SGK3: variants seen among roughly 807,000 people sequenced by gnomAD.
The protein encoded by SGK3 is serine/threonine-protein kinase Sgk3.
A neutral mutation model predicts 68.5 loss-of-function variants in SGK3; 47 were observed. The observed-to-expected ratio is 0.69, with a 90% CI of 0.54 to 0.87. The LOEUF (loss-of-function observed/expected upper bound fraction) is 0.87. Among genes scored for constraint, SGK3 ranks in the 40% least tolerant of loss-of-function variants. The pLI, the probability that SGK3 is intolerant of heterozygous loss-of-function variation, is 0.00. For synonymous variants in SGK3, 181 were observed against 189.1 expected (o/e 0.96, Z 0.35); for missense variants, 479 against 575.5 (o/e 0.83, Z 1.72).
intron 4 of SGK3, among the ~76,000 whole-genome samples, chr8:66,806,792 C>T (rs1328852846): frequency 8.2e-5 from 10 of 121,816 alleles, no homozygotes; most frequent in Non-Finnish European, 1.5e-4. Context: ...CCAGCCTGGG[C>T]AACAGAGCAA....
chr8:66,720,781 T>TTATA (rs758419858), intron 1 of SGK3, among the ~76,000 whole-genome samples: 1 of 146,248 alleles, frequency 6.8e-6, no homozygotes, highest in African/African-American at 2.7e-5. Context: ...AAAAAAAAAA[T>TTATA]TATATATATA....
intron 15 of SGK3, 110 bp downstream of exon 15, chr8:66,847,458 A>G: frequency 6.9e-7 from 1 of 1,457,686 alleles, no homozygotes; most frequent in South Asian, 1.3e-5. Context: ...TGCGGAGAAT[A>G]GCAACATGGA....
At chr8:66,744,526 T>TG (rs1554593811) in intron 1 of SGK3, among the ~76,000 whole-genome samples, 1,042 of 100,000 alleles carry the variant, frequency 0.01, 64 homozygotes, top group African/African-American at 0.042. Flanking sequence ...TATATTTTTT[T>TG]TTTTTTTTTT....
intron 1 of SGK3, among the ~76,000 whole-genome samples, chr8:66,769,344 C>T (rs1455889175): frequency 1.3e-5 from 2 of 152,196 alleles, no homozygotes; most frequent in Non-Finnish European, 2.9e-5. Flanking sequence ...ATGCCTCAGA[C>T]TCCCAAGTAG....
intron 1 of SGK3, among the ~76,000 whole-genome samples, chr8:66,772,621 T>C (rs1282566025): frequency 1.4e-5 from 2 of 147,736 alleles, no homozygotes; most frequent in South Asian, 4.3e-4. Context: ...AGTGCAGTGG[T>C]GCAATCTCGG....
chr8:66,718,720 G>T (rs1026554751), intron 1 of SGK3, among the ~76,000 whole-genome samples: 1 of 151,796 alleles, frequency 6.6e-6, no homozygotes, highest in African/African-American at 2.4e-5. Flanking sequence ...TTGAGACAGG[G>T]TTTCTCCAGG....
chr8:66,826,900 C>T (rs781729639), intron 6 of SGK3, among the ~76,000 whole-genome samples: 3 of 152,018 alleles, frequency 2.0e-5, no homozygotes, highest in African/African-American at 4.8e-5. Flanking sequence ...TCGCCTTGGC[C>T]TCCCAAAGTG....
intron 1 of SGK3, among the ~76,000 whole-genome samples, chr8:66,715,543 G>A (rs576871898): frequency 6.6e-6 from 1 of 152,278 alleles, no homozygotes; most frequent in Admixed American, 6.5e-5. Flanking sequence ...GTGAGCCACC[G>A]TGCCTGGCCA....
At chr8:66,831,741 A>C (rs956603048) in intron 8 of SGK3, among the ~76,000 whole-genome samples, 1 of 152,208 alleles carries the variant, frequency 6.6e-6, no homozygotes, top group African/African-American at 2.4e-5. Context: ...TGGAATTAAG[A>C]TACTTTCCCC....
At chr8:66,841,468 A>G (rs1055794270) in intron 13 of SGK3, among the ~76,000 whole-genome samples, 7 of 152,224 alleles carry the variant, frequency 4.6e-5, no homozygotes, top group African/African-American at 1.7e-4. Flanking sequence ...TTTAAAAATC[A>G]CAAATCAGTG....
chr8:66,759,576 G>A (rs111685650), intron 1 of SGK3, among the ~76,000 whole-genome samples: 1 of 151,568 alleles, frequency 6.6e-6, no homozygotes, highest in South Asian at 2.1e-4. Context: ...GGACTACAGG[G>A]GTGCACCACC....
chr8:66,713,314 C>T (rs1586660602), intron 1 of SGK3, among the ~76,000 whole-genome samples: 1 of 152,198 alleles, frequency 6.6e-6, no homozygotes, highest in Non-Finnish European at 1.5e-5. Context: ...GTGAATCTGG[C>T]CCTATTAATT....
At chr8:66,847,697 A>G (rs1307898694) in intron 15 of SGK3, among the ~76,000 whole-genome samples, 1 of 152,128 alleles carries the variant, frequency 6.6e-6, no homozygotes, top group African/African-American at 2.4e-5. Context: ...TTATTGCTAA[A>G]TAATACTAAC....
At chr8:66,715,585 T>G (rs1221116637) in intron 1 of SGK3, among the ~76,000 whole-genome samples, 1 of 152,228 alleles carries the variant, frequency 6.6e-6, no homozygotes, top group East Asian at 1.9e-4. Flanking sequence ...CTACTTAGAT[T>G]TATGATCAAG....
chr8:66,742,272 GA>G (rs952348249), intron 1 of SGK3, among the ~76,000 whole-genome samples: 3 of 152,038 alleles, frequency 2.0e-5, no homozygotes, highest in East Asian at 1.9e-4. Context: ...AGGTTTAGGA[GA>G]AAAAAAATCA....
At chr8:66,836,185 G>A (rs1809523678) in intron 10 of SGK3, 111 bp downstream of exon 10, 9 of 1,363,596 alleles carry the variant, frequency 6.6e-6, no homozygotes, top group South Asian at 1.5e-5. Context: ...GCTTTTTATA[G>A]CAATAATATT....
chr8:66,822,364 GT>G lies in SGK3; in HGVS notation c.330-3del. Reference sequence around the variant, plus strand: ...TGAAGTTATAATAAAGTTAATTTTTGTTTTTAGTCCAGATGTCAGAGCATTC... The same window carrying G: ...TGAAGTTATAATAAAGTTAATTTTTGTTTTAGTCCAGATGTCAGAGCATTC... On this transcript the variant is annotated splice_region_variant and splice_polypyrimidine_tract_variant and intron_variant, in intron 5 of 16. Coordinates refer to ENST00000521198, the MANE Select transcript of SGK3 (RefSeq NM_001033578.3). The G allele has an allele frequency of 6.3e-7, 1 of 1,596,222 alleles. No individual in the cohort carries two copies. Among genetic ancestry groups the G allele is most frequent in the Admixed American group, 1.8e-5 (1 of 56,832 alleles).
intron 1 of SGK3, among the ~76,000 whole-genome samples, chr8:66,716,894 G>A (rs1318223327): frequency 6.6e-6 from 1 of 152,094 alleles, no homozygotes; most frequent in African/African-American, 2.4e-5. Flanking sequence ...GAGCTTGTTG[G>A]CAGATAATTA....
chr8:66,781,901 G>A (rs1342820673), intron 1 of SGK3, among the ~76,000 whole-genome samples: 1 of 152,142 alleles, frequency 6.6e-6, no homozygotes, highest in Non-Finnish European at 1.5e-5. Flanking sequence ...CAGTAAGGAA[G>A]GAAAACAGGA....
Sources: allele counts gnomAD v4.1 joint callset (sites outside exome capture counted in the v4.1 genomes callset), GRCh38; gene constraint gnomAD v4.1.1; transcripts MANE v1.5; gene names NCBI Gene and HGNC (gene_info 2026-07-23, HGNC 2026-07-21).